The following BRAF variants were observed in gnomAD, a reference collection of about 807,000 sequenced individuals.
BRAF encodes the protein serine/threonine-protein kinase B-raf.
Under a neutral mutation model 104.6 loss-of-function variants are expected in BRAF, and 16 were observed. The ratio of observed to expected loss-of-function variants is 0.15; its 90% CI spans 0.10 to 0.23. BRAF has a LOEUF of 0.23. Ranked by LOEUF, BRAF falls within the 10% of genes least tolerant of loss-of-function variation. BRAF has a pLI of 1.00. For missense variants in BRAF, 541 were observed against 937.3 expected, an observed-to-expected ratio of 0.58 and a Z score of 5.52; for synonymous variants, 310 against 341.6, an observed-to-expected ratio of 0.91 and a Z score of 1.02.
intron 2 of BRAF, among the ~76,000 whole-genome samples, chr7:140,844,177 T>C (rs573022916): frequency 4.6e-5 from 7 of 152,124 alleles, no homozygotes; most frequent in Admixed American, 2.6e-4. Flanking sequence ...GCGCTCACCA[T>C]TGCTCCATCT....
chr7:140,809,420 G>A (rs1356477105), intron 3 of BRAF, among the ~76,000 whole-genome samples: 8 of 152,034 alleles, frequency 5.3e-5, no homozygotes, highest in Admixed American at 2.0e-4. Context: ...ACCTCTTACT[G>A]GCCCTAAACA....
chr7:140,729,081 AAATC>A (rs1424569324), intron 19 of BRAF, among the ~76,000 whole-genome samples: 1 of 151,444 alleles, frequency 6.6e-6, no homozygotes, highest in Non-Finnish European at 1.5e-5. Flanking sequence ...AAAAAAAAAA[AAATC>A]AGTTGGATGT....
chr7:140,715,394 G>C (rs536232234), downstream of BRAF, among the ~76,000 whole-genome samples: 1 of 152,192 alleles, frequency 6.6e-6, no homozygotes, highest in South Asian at 2.1e-4. Flanking sequence ...AGATCTCTTT[G>C]TACTTTTTAG....
intron 14 of BRAF, among the ~76,000 whole-genome samples, chr7:140,757,435 G>A (rs572294805): frequency 1.1e-4 from 16 of 152,018 alleles, no homozygotes; most frequent in African/African-American, 2.9e-4. Flanking sequence ...GACTACAGGC[G>A]CGCGCCACCA....
Position 140,739,951 on chromosome 7 carries a change from A to G in BRAF, c.2113-5T>C. The G allele has an allele frequency of 6.2e-7, 1 of 1,613,034 alleles. No individual in the cohort carries two copies. The highest frequency in any genetic ancestry group is 8.5e-7 in the Non-Finnish European group (1 of 1,179,612). ...TCGTCCCACCATAAAAATTATCTGG[A>G]GAGAGAAAAAAAAGGGAAATAATTC... On this transcript the variant is annotated splice_polypyrimidine_tract_variant and splice_region_variant and intron_variant, in intron 17 of 19. Transcript: ENST00000644969.
intron 1 of BRAF, among the ~76,000 whole-genome samples, chr7:140,920,658 T>C (rs1328392396): frequency 1.3e-5 from 2 of 152,238 alleles, no homozygotes; most frequent in Non-Finnish European, 2.9e-5. Flanking sequence ...ATTCCTTTCT[T>C]AGCTGTTTAC....
chr7:140,723,802 C>CT lies in BRAF; in HGVS notation c.*2691dup. The CT allele has an allele frequency of 9.5e-7, 1 of 1,047,676 alleles. No individual in the cohort carries two copies. The highest frequency in any genetic ancestry group is 1.2e-6 in the Non-Finnish European group (1 of 868,220). The allele number at this position is 1,047,676 out of a possible 1,614,324, so 64.9% of individuals were successfully genotyped here. A position where few individuals can be genotyped will look rare whatever the true frequency, so the allele number is the denominator to read the frequency against. On this transcript the variant is annotated 3_prime_UTR_variant, in exon 20 of 20. Coordinates refer to ENST00000644969, the MANE Select transcript of BRAF (RefSeq NM_001374258.1). ...AGATGATCAGTGACGCAGCCACATA[C>CT]TGTCTATACAATTACTCATAAAGTG...
intron 17 of BRAF, among the ~76,000 whole-genome samples, chr7:140,745,864 G>A (rs1252056115): frequency 1.3e-5 from 2 of 152,304 alleles, no homozygotes; most frequent in East Asian, 3.9e-4. Context: ...CAGATCTTGT[G>A]CTTAGAACCT....
chr7:140,876,872 A>G (rs937861315), intron 1 of BRAF, among the ~76,000 whole-genome samples: 10 of 152,158 alleles, frequency 6.6e-5, no homozygotes, highest in South Asian at 4.2e-4. Context: ...AACACTCACC[A>G]AAACAGACCA....
At chr7:140,747,592 G>T in intron 17 of BRAF, 1 of 302,792 alleles carries the variant, frequency 3.3e-6, no homozygotes. Context: ...CCAGATCTTA[G>T]GTTCATAAAT....
downstream of BRAF, among the ~76,000 whole-genome samples, chr7:140,718,602 C>T (rs565823212): frequency 4.7e-5 from 7 of 150,156 alleles, no homozygotes; most frequent in South Asian, 1.5e-3. Flanking sequence ...TCAGGCTAGT[C>T]TCCACTCCTG....
chr7:140,715,719 AC>A (rs1243767274), downstream of BRAF, among the ~76,000 whole-genome samples: 1 of 152,226 alleles, frequency 6.6e-6, no homozygotes, highest in African/African-American at 2.4e-5. Flanking sequence ...AAAATACTTA[AC>A]GTGGGAGGAG....
At chr7:140,769,455 C>T (rs774048634) in intron 14 of BRAF, among the ~76,000 whole-genome samples, 2 of 152,102 alleles carry the variant, frequency 1.3e-5, no homozygotes, top group African/African-American at 2.4e-5. Flanking sequence ...CTTTCTAATC[C>T]TTATTTCAGT....
intron 10 of BRAF, chr7:140,783,472 C>T (rs961254061): frequency 3.9e-6 from 1 of 257,084 alleles, no homozygotes; most frequent in African/African-American, 2.2e-5. Context: ...AAAATACTCC[C>T]AAGTTTCTGT....
chr7:140,773,239 T>G (rs1800017582), intron 14 of BRAF: 1 of 152,194 alleles, frequency 6.6e-6, no homozygotes, highest in Non-Finnish European at 1.5e-5. Context: ...CCAGCGATAC[T>G]CTTACTTAGA....
rs10525418 is a variant in BRAF at position 140,798,272 on chromosome 7, C to CTTTTTTTTTTCT, written c.980+2089_980+2090insAGAAAAAAAAAA. ...AATGCTGTATGGGGACTTTTTTTTT[C>CTTTTTTTTTTCT]TTTTTTTTGAGACGGAGTCTTGCTC... On this transcript the variant is annotated intron_variant, in intron 7 of 19. Coordinates refer to ENST00000644969, the MANE Select transcript of BRAF (RefSeq NM_001374258.1). Among the ~76,000 whole-genome samples the CTTTTTTTTTTCT allele has an allele frequency of 3.5e-5, 4 of 115,624 alleles. 1 individual carries two copies. The highest frequency in any genetic ancestry group is 1.1e-4 in the Admixed American group (1 of 9,186). The allele number at this position is 115,624 out of a possible 152,430, so 75.9% of individuals were successfully genotyped here. A position where few individuals can be genotyped will look rare whatever the true frequency, so the allele number is the denominator to read the frequency against.
At chr7:140,764,162 T>C (rs537135579) in intron 14 of BRAF, among the ~76,000 whole-genome samples, 7 of 152,116 alleles carry the variant, frequency 4.6e-5, no homozygotes, top group African/African-American at 1.7e-4. Flanking sequence ...TCAATAAATG[T>C]AATCCAGCAT....
At chr7:140,824,980 T>C (rs1421165059) in intron 3 of BRAF, among the ~76,000 whole-genome samples, 7 of 151,260 alleles carry the variant, frequency 4.6e-5, no homozygotes, top group African/African-American at 1.7e-4. Flanking sequence ...TTTCTTTTTT[T>C]TTTTTTTTGA....
At chr7:140,850,946 A>G (rs1367546125) in intron 1 of BRAF, among the ~76,000 whole-genome samples, 1 of 152,202 alleles carries the variant, frequency 6.6e-6, no homozygotes, top group African/African-American at 2.4e-5. Flanking sequence ...CACCTCAAAT[A>G]CTACTAAGAT....
Sources: allele counts gnomAD v4.1 joint callset (sites outside exome capture counted in the v4.1 genomes callset), GRCh38; gene constraint gnomAD v4.1.1; transcripts MANE v1.5; gene names NCBI Gene and HGNC (gene_info 2026-07-23, HGNC 2026-07-21).